The following SPATA9 variants were observed in gnomAD, a reference collection of about 807,000 sequenced individuals.
The protein encoded by SPATA9 is spermatogenesis associated 9.
Under a neutral mutation model 25.5 loss-of-function variants are expected in SPATA9, and 27 were observed. The observed-to-expected ratio is 1.06, with a 90% confidence interval of 0.78 to 1.46. The LOEUF is 1.46. Ranked by LOEUF, SPATA9 falls within the 40% of genes most tolerant of loss-of-function variation. The pLI is 0.00. For missense variants in SPATA9, 282 were observed against 297.5 expected (o/e 0.95, Z 0.38); for synonymous variants, 102 against 105.7 (o/e 0.97, Z 0.21).
chr5:95,654,269 A>G, downstream of SPATA9: 1 of 1,609,016 alleles, frequency 6.2e-7, no homozygotes, highest in South Asian at 1.1e-5. Context: ...TAAAACTTTA[A>G]ACCATGAAAC....
chr5:95,691,141 G>A (rs937989351), intron 1 of SPATA9, among the ~76,000 whole-genome samples: 4 of 151,854 alleles, frequency 2.6e-5, no homozygotes, highest in South Asian at 2.1e-4. Context: ...GCGTGAACCC[G>A]GGAGGGGGAG....
intron 3 of SPATA9, among the ~76,000 whole-genome samples, chr5:95,664,357 TCTTTC>T (rs959015192): frequency 6.6e-6 from 1 of 152,226 alleles, no homozygotes; most frequent in Non-Finnish European, 1.5e-5. Context: ...AGAAAAACAG[TCTTTC>T]CTTTGTTAAA....
chr5:95,656,747 TC>T (rs1167183188), downstream of SPATA9: 1 of 153,396 alleles, frequency 6.5e-6, no homozygotes, highest in African/African-American at 2.4e-5. Flanking sequence ...ATAATGAACT[TC>T]CATCACTCAG....
At chr5:95,691,401 C>G (rs1217806072) in intron 1 of SPATA9, among the ~76,000 whole-genome samples, 1 of 152,090 alleles carries the variant, frequency 6.6e-6, no homozygotes, top group Non-Finnish European at 1.5e-5. Context: ...TAAACACATA[C>G]ACACATATAT....
At chr5:95,716,950 A>G in the SPATA9 span, 1 of 150,696 alleles carries the variant, frequency 6.6e-6, no homozygotes, top group African/African-American at 2.5e-5. Flanking sequence ...TTGCTCCTTC[A>G]CCTTCTGCCA....
the SPATA9 span, among the ~76,000 whole-genome samples, chr5:95,716,694 T>C: frequency 5.9e-5 from 9 of 152,284 alleles, no homozygotes; most frequent in East Asian, 1.7e-3. Flanking sequence ...ACATGAGATT[T>C]GGGAGGTGCC....
intron 1 of SPATA9, among the ~76,000 whole-genome samples, chr5:95,688,636 T>C (rs984129936): frequency 6.6e-6 from 1 of 152,182 alleles, no homozygotes; most frequent in Non-Finnish European, 1.5e-5. Flanking sequence ...AATTACTGCA[T>C]GTTCTCACTT....
intron 1 of SPATA9, among the ~76,000 whole-genome samples, chr5:95,698,059 A>T (rs1007644396): frequency 6.6e-6 from 1 of 152,198 alleles, no homozygotes; most frequent in African/African-American, 2.4e-5. Context: ...GTCAATATTT[A>T]ACATATGTAC....
the SPATA9 span, among the ~76,000 whole-genome samples, chr5:95,728,855 C>G: frequency 1.3e-5 from 2 of 152,194 alleles, no homozygotes; most frequent in Non-Finnish European, 2.9e-5. Context: ...CAAAACCCAC[C>G]AAAACCAAGA....
At position 95,658,873 on chromosome 5, in the gene SPATA9, A is replaced by C. The variant is rs1292006902; in HGVS notation, c.515T>G (p.Ile172Ser). ...VNAVLKKVKN[I>S]FQEEESIRQN... ...CCTTATGGATTCTTCTTCCTGGAAG[A>C]TGTTCTTTACCTTCTTCAGCACAGC... Residue 172 changes from isoleucine to serine, a missense_variant, in exon 5 of 5, where the codon ATC (isoleucine) becomes AGC (serine). By Grantham distance (142) the Ile-to-Ser change is moderately radical (BLOSUM62 -2). Coordinates refer to ENST00000274432, the MANE Select transcript of SPATA9 (RefSeq NM_031952.4). 1.9e-6 allele frequency: 3 copies of C among 1,613,706 alleles called. No individual in the cohort carries two copies. Among genetic ancestry groups the C allele is most frequent in the Non-Finnish European group, 2.5e-6 (3 of 1,179,856 alleles).
chr5:95,681,534 A>T (rs1753456305), intron 2 of SPATA9, among the ~76,000 whole-genome samples: 1 of 152,164 alleles, frequency 6.6e-6, no homozygotes, highest in Non-Finnish European at 1.5e-5. Flanking sequence ...CACTGACCAT[A>T]TTCTAATGCA....
At chr5:95,709,457 A>G in the SPATA9 span, among the ~76,000 whole-genome samples, 34,494 of 151,928 alleles carry the variant, frequency 0.23, 4,134 homozygotes, top group East Asian at 0.49. Context: ...AATTTTGTAA[A>G]AGTGTTTTTT....
downstream of SPATA9, among the ~76,000 whole-genome samples, chr5:95,653,480 G>A (rs567856541): frequency 7.9e-5 from 12 of 152,362 alleles, no homozygotes; most frequent in East Asian, 2.3e-3. Flanking sequence ...TACAAGTTCT[G>A]AAATTTCCTT....
At chr5:95,705,128 T>TTTAA in the SPATA9 span, among the ~76,000 whole-genome samples, 1 of 148,812 alleles carries the variant, frequency 6.7e-6, no homozygotes, top group South Asian at 2.2e-4. Context: ...TATTTATTTA[T>TTTAA]TTTTATTTTT....
At chr5:95,697,480 G>A (rs1010809301) in intron 1 of SPATA9, among the ~76,000 whole-genome samples, 27 of 152,188 alleles carry the variant, frequency 1.8e-4, no homozygotes, top group South Asian at 6.2e-4. Flanking sequence ...GACAGAGAGA[G>A]AACAAGATAG....
chr5:95,658,790 C>A lies in SPATA9; in HGVS notation c.598G>T (p.Glu200Ter). 1.2e-6 allele frequency: 2 copies of A among 1,613,928 alleles called. No homozygotes were observed. Among genetic ancestry groups the A allele is most frequent in the Non-Finnish European group, 1.7e-6 (2 of 1,179,924 alleles). The change falls in exon 5 of 5, where the codon GAG becomes TAG. Residue 200 changes from glutamate (E) to a stop codon, truncating the protein, a stop_gained. Transcript: ENST00000274432. LOFTEE classifies it high-confidence loss of function. Reference protein sequence around the residue: ...RKAFSEPVLSEPMFAEGEIKA... With the variant: ...RKAFSEPVLS ...ATTTCACCTTCAGCAAACATAGGCT[C>A]CGAAAGCACAGGCTCAGAAAAGGCT...
the SPATA9 span, among the ~76,000 whole-genome samples, chr5:95,728,958 G>A: frequency 2.6e-5 from 4 of 152,176 alleles, no homozygotes; most frequent in Admixed American, 2.0e-4. Flanking sequence ...CCAGCACAAT[G>A]AGTCTACAAA....
At chr5:95,683,738 C>T (rs1213192607), upstream of SPATA9, among the ~76,000 whole-genome samples, 2 of 152,064 alleles carry the variant, frequency 1.3e-5, no homozygotes, top group Admixed American at 6.6e-5. Context: ...GGGGTTTCAC[C>T]GTGTTAGCTA....
chr5:95,719,008 T>C, the SPATA9 span, among the ~76,000 whole-genome samples: 1 of 152,014 alleles, frequency 6.6e-6, no homozygotes, highest in African/African-American at 2.4e-5. Flanking sequence ...GATTTGCCCA[T>C]GGTAAGGAGG....
Sources: gnomAD v4.1 joint callset for allele counts (sites outside exome capture counted in the v4.1 genomes callset) on GRCh38, gnomAD v4.1.1 for gene constraint, MANE v1.5 for transcripts, NCBI Gene and HGNC (gene_info 2026-07-23, HGNC 2026-07-21) for gene names.